The following ANKRD30B variants were observed in gnomAD, a reference collection of about 807,000 sequenced individuals.
The protein encoded by ANKRD30B is ankyrin repeat domain-containing protein 30B.
Under a neutral mutation model 202.2 loss-of-function variants are expected in ANKRD30B, and 144 were observed. The ratio of observed to expected loss-of-function variants is 0.71; its 90% CI spans 0.62 to 0.82. The LOEUF (loss-of-function observed/expected upper bound fraction) is 0.82, where lower values mean the gene tolerates loss of function less well. ANKRD30B is among the 40% of genes least tolerant of loss of function. The probability of loss-of-function intolerance (pLI) is 0.00; values close to 1 mark genes in which losing one functional copy is unlikely to be tolerated. For synonymous variants in ANKRD30B, 508 were observed against 561.3 expected (o/e 0.91, Z 1.34); for missense variants, 1,487 against 1,669.1 (o/e 0.89, Z 1.90).
the ANKRD30B span, among the ~76,000 whole-genome samples, chr18:14,937,487 C>G: frequency 1.1e-4 from 3 of 28,470 alleles, no homozygotes; most frequent in Non-Finnish European, 2.5e-4. Context: ...CCCATGGTAA[C>G]AAGCCACTCC....
chr18:14,793,895 AG>A (rs1484805319), intron 16 of ANKRD30B, among the ~76,000 whole-genome samples: 1 of 150,040 alleles, frequency 6.7e-6, no homozygotes, highest in Non-Finnish European at 1.5e-5. Flanking sequence ...CACCGACAAA[AG>A]AAAAAAAAAA....
At chr18:14,939,680 C>T in the ANKRD30B span, among the ~76,000 whole-genome samples, 1 of 152,154 alleles carries the variant, frequency 6.6e-6, no homozygotes, top group African/African-American at 2.4e-5. Context: ...ACTTCAGTTT[C>T]CAGGACTTAG....
In ANKRD30B at chr18:14,764,436, C is replaced by T. The variant is rs145136587; in HGVS notation, c.1225+346C>T. Among the ~76,000 whole-genome samples the T allele has an allele frequency of 2.2e-4, 34 of 152,210 alleles. No individual in the cohort carries two copies. In the East Asian group the frequency reaches 6.6e-3, roughly 29 times the overall value. On this transcript the variant is annotated intron_variant, in intron 7 of 43. Transcript: ENST00000690538. ...ATGGAGTCTCGCACTGTTGCCTGGGCTGGAGTGCAATGGCGCGAGCGATCT... is the reference window on the plus strand; with the variant it reads ...ATGGAGTCTCGCACTGTTGCCTGGGTTGGAGTGCAATGGCGCGAGCGATCT...
intron 34 of ANKRD30B, among the ~76,000 whole-genome samples, chr18:14,835,776 C>T (rs1971144648): frequency 6.6e-6 from 1 of 151,858 alleles, no homozygotes; most frequent in South Asian, 2.1e-4. Flanking sequence ...AACAGAGTTT[C>T]ACATTTCTAT....
In ANKRD30B at chr18:14,763,862, G is replaced by A. The variant is rs754186286; in HGVS notation, c.997G>A (p.Glu333Lys). 7.4e-6 allele frequency: 12 copies of A among 1,613,052 alleles called. No individual in the cohort carries two copies. Among genetic ancestry groups the A allele is most frequent in the Non-Finnish European group, 1.0e-5 (12 of 1,179,490 alleles). Residue 333 changes from glutamate (E) to lysine (K), a missense_variant, in exon 7 of 44, where the codon GAA becomes AAA. Physicochemically the swap from Glu to Lys is moderately conservative, Grantham distance 56. This residue lies in a region of ANKRD30B where 889 missense variants were observed against 841.4 expected (regional missense o/e 1.06). Coordinates refer to ENST00000690538, the MANE Select transcript of ANKRD30B (RefSeq NM_001367607.2). ...ATCTGGAAAGTTTGAACAGTCAACA[G>A]AAGAAACACCTAGGAAAATTTTGAG... ...ATSGKFEQST[E>K]ETPRKILRPT...
At chr18:14,880,289 T>C in the ANKRD30B span, among the ~76,000 whole-genome samples, 1 of 152,294 alleles carries the variant, frequency 6.6e-6, no homozygotes, top group South Asian at 2.1e-4. Flanking sequence ...TATGGCCTTA[T>C]TGTACAGTTT....
intron 9 of ANKRD30B, 115 bp downstream of exon 9, chr18:14,772,343 A>C (rs113095169): frequency 1.7e-6 from 1 of 585,946 alleles, no homozygotes; most frequent in African/African-American, 1.9e-5. Flanking sequence ...AGTTGGTCAG[A>C]TAAAAACATT....
At chr18:14,757,181 A>G (rs192610859) in intron 4 of ANKRD30B, among the ~76,000 whole-genome samples, 8 of 152,216 alleles carry the variant, frequency 5.3e-5, no homozygotes, top group African/African-American at 1.9e-4. Flanking sequence ...AATGATAAAG[A>G]GAAAAGAGAT....
chr18:14,838,872 T>C (rs1266919380), intron 36 of ANKRD30B, among the ~76,000 whole-genome samples: 2 of 152,250 alleles, frequency 1.3e-5, no homozygotes, highest in East Asian at 3.8e-4. Context: ...TTTTTTAAAC[T>C]GGAAAGTCTG....
the ANKRD30B span, among the ~76,000 whole-genome samples, chr18:14,882,020 G>T: frequency 1.3e-5 from 2 of 152,060 alleles, no homozygotes; most frequent in Admixed American, 1.3e-4. Context: ...CTTGCTAATG[G>T]TCTATCGATT....
chr18:14,765,489 AAAAGAAAT>A (rs1915979032), intron 7 of ANKRD30B, among the ~76,000 whole-genome samples: 1 of 152,140 alleles, frequency 6.6e-6, no homozygotes, highest in African/African-American at 2.4e-5. Context: ...AAGAAAAAGA[AAAAGAAAT>A]ATGTTAGGCC....
Position 14,840,577 on chromosome 18 carries a change from A to C in ANKRD30B, c.2989-11A>C. ...AAAAAAGAAATTATTTATTAATATT[A>C]TCTTTAACAGATTATCTCTGTGAGT... On this transcript the variant is annotated splice_polypyrimidine_tract_variant and intron_variant, in intron 36 of 43. Transcript: ENST00000690538. 1.6e-6 allele frequency: 2 copies of C among 1,286,404 alleles called. No individual in the cohort carries two copies. The highest frequency in any genetic ancestry group is 2.1e-6 in the Non-Finnish European group (2 of 967,858). The allele number at this position is 1,286,404 out of a possible 1,614,324, so 79.7% of individuals were successfully genotyped here.
At chr18:14,885,091 C>A in the ANKRD30B span, among the ~76,000 whole-genome samples, 2 of 151,912 alleles carry the variant, frequency 1.3e-5, no homozygotes, top group South Asian at 4.1e-4. Context: ...GAAATGATAC[C>A]CACAAGTTAG....
At chr18:14,904,617 TC>T in the ANKRD30B span, among the ~76,000 whole-genome samples, 3 of 151,910 alleles carry the variant, frequency 2.0e-5, no homozygotes, top group African/African-American at 7.3e-5. Flanking sequence ...TACAGCTTAA[TC>T]CCCCCCATCT....
At chr18:14,866,848 G>C in the ANKRD30B span, among the ~76,000 whole-genome samples, 2 of 152,046 alleles carry the variant, frequency 1.3e-5, no homozygotes, top group Non-Finnish European at 1.5e-5. Flanking sequence ...TGTGTGCGCT[G>C]TCGTGCACTA....
the ANKRD30B span, among the ~76,000 whole-genome samples, chr18:14,936,773 A>G: frequency 6.6e-6 from 1 of 152,200 alleles, no homozygotes; most frequent in African/African-American, 2.4e-5. Flanking sequence ...GATCAGAGTA[A>G]CTGAGGCTTC....
intron 10 of ANKRD30B, 21 bp from the exon 11 acceptor site, chr18:14,779,939 A>G (rs1198708223): frequency 1.3e-6 from 2 of 1,521,298 alleles, no homozygotes; most frequent in Non-Finnish European, 9.1e-7. Flanking sequence ...TCATGAATGT[A>G]TCTGTGATTA....
the ANKRD30B span, among the ~76,000 whole-genome samples, chr18:14,867,862 G>T: frequency 6.6e-6 from 1 of 152,234 alleles, no homozygotes; most frequent in Admixed American, 6.5e-5. Context: ...AGCATGACAA[G>T]GTGAGGCTCT....
At chr18:14,753,992 A>G (rs1913917425) in intron 3 of ANKRD30B, among the ~76,000 whole-genome samples, 1 of 152,188 alleles carries the variant, frequency 6.6e-6, no homozygotes, top group Admixed American at 6.6e-5. Flanking sequence ...AAAGAAGTAG[A>G]TATGCATTAG....
Sources: gnomAD v4.1 joint callset for allele counts (sites outside exome capture counted in the v4.1 genomes callset) on GRCh38, gnomAD v4.1.1 for gene constraint, gnomAD v4.1.1 regional missense constraint, MANE v1.5 for transcripts, NCBI Gene and HGNC (gene_info 2026-07-23, HGNC 2026-07-21) for gene names.